The following SENP7 variants were observed in gnomAD, a reference collection of about 807,000 sequenced individuals.
SENP7 encodes the protein SUMO specific peptidase 7.
In SENP7, 64 loss-of-function variants were observed where a neutral mutation model predicts 141.2. The ratio of observed to expected loss-of-function variants is 0.45; its 90% CI spans 0.37 to 0.56. SENP7 has a LOEUF of 0.56. Among genes scored for constraint, SENP7 ranks in the 20% least tolerant of loss-of-function variants. The pLI, the probability that SENP7 is intolerant of heterozygous loss-of-function variation, is 0.00. For missense variants in SENP7, 1,025 were observed against 1,212.2 expected (o/e 0.85, Z 2.29); for synonymous variants, 382 against 426.4 (o/e 0.90, Z 1.28).
chr3:101,431,930 G>A (rs913752901), intron 4 of SENP7, among the ~76,000 whole-genome samples: 1 of 152,206 alleles, frequency 6.6e-6, no homozygotes, highest in African/African-American at 2.4e-5. Flanking sequence ...AGGGGATTTT[G>A]TCTTGCACCT....
chr3:101,465,627 C>G (rs1478712844), intron 3 of SENP7, among the ~76,000 whole-genome samples: 1 of 147,976 alleles, frequency 6.8e-6, no homozygotes, highest in East Asian at 2.0e-4. Context: ...AGAACCAGCA[C>G]TATAAATATA....
chr3:101,372,522 C>T (rs898060866), intron 6 of SENP7, among the ~76,000 whole-genome samples: 1 of 152,024 alleles, frequency 6.6e-6, no homozygotes, highest in East Asian at 1.9e-4. Flanking sequence ...ATATTTCAAG[C>T]GTGGTTCATA....
intron 11 of SENP7, among the ~76,000 whole-genome samples, chr3:101,354,601 G>A (rs2059691498): frequency 6.6e-6 from 1 of 151,936 alleles, no homozygotes; most frequent in African/African-American, 2.4e-5. Context: ...TCTTTTCCTA[G>A]CTGCATAGTA....
At position 101,434,916 on chromosome 3, in the gene SENP7, T is replaced by A. The variant is rs138225119; in HGVS notation, c.285-17126A>T. 6.1e-3 allele frequency among the ~76,000 whole-genome samples: 934 copies of A among 152,108 alleles called. 6 individuals carry two copies. Among genetic ancestry groups the A allele is most frequent in the African/African-American group, 0.022 (900 of 41,516 alleles). ...GAGGAGGGAATACTTCCAAACTCAT[T>A]CTACAAGTCCAGTATTACCCTAACA... On this transcript the variant is annotated intron_variant, in intron 4 of 23. Coordinates refer to ENST00000394095, the MANE Select transcript of SENP7 (RefSeq NM_020654.5).
intron 9 of SENP7, among the ~76,000 whole-genome samples, chr3:101,365,379 T>C (rs760973002): frequency 1.5e-4 from 23 of 151,044 alleles, no homozygotes; most frequent in Non-Finnish European, 2.8e-4. Context: ...CTCACTCCTG[T>C]AATCCCAGCA....
intron 6 of SENP7, among the ~76,000 whole-genome samples, chr3:101,379,708 C>T (rs1236971895): frequency 1.3e-5 from 2 of 152,008 alleles, no homozygotes; most frequent in East Asian, 1.9e-4. Flanking sequence ...TAACTGGAAC[C>T]CTTGTGCACT....
chr3:101,481,828 G>A (rs977714877), intron 3 of SENP7, among the ~76,000 whole-genome samples: 6 of 152,078 alleles, frequency 3.9e-5, no homozygotes, highest in African/African-American at 1.4e-4. Flanking sequence ...GTCTTTGTTT[G>A]CAGATGACGT....
At chr3:101,428,249 T>A (rs2062031133) in intron 4 of SENP7, among the ~76,000 whole-genome samples, 1 of 152,164 alleles carries the variant, frequency 6.6e-6, no homozygotes, top group Admixed American at 6.5e-5. Context: ...ATTTCTAGTT[T>A]TACATCCTTG....
Position 101,443,673 on chromosome 3 carries a change from G to A in SENP7, c.284+15282C>T, listed in dbSNP as rs2062771088. The stretch of plus-strand genomic sequence containing the variant: ...CTTGAAGAGGTCCTTCACATCACTT[G>A]TAAGTTGGATTCCTAGGTATTTTAT... On this transcript the variant is annotated intron_variant, in intron 4 of 23. Transcript: ENST00000394095. 6.8e-5 allele frequency among the ~76,000 whole-genome samples: 10 copies of A among 148,074 alleles called. 1 individual carries two copies. The South Asian group carries it at 1.7e-3, about 26-fold the overall frequency.
intron 6 of SENP7, among the ~76,000 whole-genome samples, chr3:101,385,138 A>ATG (rs1250509822): frequency 3.3e-5 from 5 of 152,070 alleles, no homozygotes; most frequent in African/African-American, 7.2e-5. Context: ...ATATATGGAG[A>ATG]TGTGTGTGTG....
In SENP7 at chr3:101,349,558, T is replaced by C. The variant is rs191941202; in HGVS notation, c.1658-1507A>G. 2.3e-3 allele frequency among the ~76,000 whole-genome samples: 354 copies of C among 152,220 alleles called. 2 individuals are homozygous for C. Among genetic ancestry groups the C allele is most frequent in the African/African-American group, 8.2e-3 (342 of 41,538 alleles). On this transcript the variant is annotated intron_variant, in intron 12 of 23. Transcript: ENST00000394095. ...GAGAATGATGGTTTCCGGGGAGGGA[T>C]AGCATTAGGAGATATACCTAATGCT...
chr3:101,498,744 A>G (rs1192476345), intron 2 of SENP7, among the ~76,000 whole-genome samples: 7 of 152,202 alleles, frequency 4.6e-5, no homozygotes, highest in Non-Finnish European at 8.8e-5. Context: ...GCAGGAGGCG[A>G]GCAGCACGGG....
chr3:101,419,426 G>A (rs2061720616), intron 4 of SENP7, among the ~76,000 whole-genome samples: 1 of 152,174 alleles, frequency 6.6e-6, no homozygotes, highest in African/African-American at 2.4e-5. Context: ...GAATAAAATG[G>A]AAGTGCTAGG....
At chr3:101,395,497 G>C (rs867820160) in intron 6 of SENP7, among the ~76,000 whole-genome samples, 1 of 152,120 alleles carries the variant, frequency 6.6e-6, no homozygotes, top group South Asian at 2.1e-4. Context: ...GTTGGCCTAT[G>C]GGTCTGTTTT....
chr3:101,378,903 T>G (rs138375985), intron 6 of SENP7, among the ~76,000 whole-genome samples: 3 of 152,098 alleles, frequency 2.0e-5, no homozygotes, highest in Non-Finnish European at 4.4e-5. Flanking sequence ...TGAAATCTTT[T>G]AAGTGTTCAG....
intron 6 of SENP7, among the ~76,000 whole-genome samples, chr3:101,376,102 G>A (rs753694292): frequency 7.2e-5 from 11 of 152,124 alleles, no homozygotes; most frequent in Non-Finnish European, 1.2e-4. Context: ...CTAACTAAAA[G>A]ACAAATACTG....
chr3:101,340,018 T>A, intron 16 of SENP7, 77 bp downstream of exon 16: 1 of 1,441,926 alleles, frequency 6.9e-7, no homozygotes. Context: ...TTAAAATAAT[T>A]CAGAGATAAA....
intron 5 of SENP7, among the ~76,000 whole-genome samples, chr3:101,409,914 T>TA (rs2061406578): frequency 1.3e-5 from 2 of 151,992 alleles, no homozygotes; most frequent in South Asian, 4.1e-4. Flanking sequence ...ACAAATGCAA[T>TA]AAAAACAAAG....
chr3:101,420,605 A>G (rs1274377214), intron 4 of SENP7, among the ~76,000 whole-genome samples: 1 of 152,208 alleles, frequency 6.6e-6, no homozygotes, highest in Non-Finnish European at 1.5e-5. Flanking sequence ...CTTTACAATG[A>G]ACAGATCTGG....
Sources: gnomAD v4.1 joint callset for allele counts (sites outside exome capture counted in the v4.1 genomes callset) on GRCh38, gnomAD v4.1.1 for gene constraint, MANE v1.5 for transcripts, NCBI Gene and HGNC (gene_info 2026-07-23, HGNC 2026-07-21) for gene names.